OOSP1: variants seen among roughly 807,000 people sequenced by gnomAD.
OOSP1 encodes oocyte secreted protein 1.
A neutral mutation model predicts 5.7 loss-of-function variants in OOSP1; 11 were observed. That is an observed-to-expected ratio of 1.94 (90% CI 1.22 to 3.20). The LOEUF (loss-of-function observed/expected upper bound fraction) is 3.20, where lower values mean the gene tolerates loss of function less well. OOSP1 is among the 30% of genes most tolerant of loss of function. OOSP1 has a pLI of 0.00. For synonymous variants in OOSP1, 44 were observed against 20.0 expected (o/e 2.20, Z -3.20); for missense variants, 83 against 54.1 (o/e 1.53, Z -1.67).
At chr11:59,949,163 G>A (rs1186751428) in intron 4 of OOSP1, 1 of 167,976 alleles carries the variant, frequency 6.0e-6, no homozygotes, top group Non-Finnish European at 1.3e-5. Context: ...AGGCTTAGTT[G>A]TGGTTGGTCC....
At chr11:59,955,489 A>T (rs2134576780) in intron 4 of OOSP1, among the ~76,000 whole-genome samples, 1 of 152,354 alleles carries the variant, frequency 6.6e-6, no homozygotes, top group South Asian at 2.1e-4. Flanking sequence ...ACAATAAATG[A>T]TTTAATTGCT....
intron 1 of OOSP1, among the ~76,000 whole-genome samples, chr11:59,941,554 AT>A (rs1853825240): frequency 6.6e-6 from 1 of 151,610 alleles, no homozygotes; most frequent in African/African-American, 2.4e-5. Context: ...TAATTTTTGT[AT>A]TTTTTGTAGA....
chr11:59,945,134 C>T, intron 2 of OOSP1, 35 bp from the exon 3 acceptor site: 1 of 701,256 alleles, frequency 1.4e-6, no homozygotes, highest in Non-Finnish European at 2.6e-6. Flanking sequence ...ATACTTGAGA[C>T]AAACATGGGT....
chr11:59,940,078 A>C (rs933349451), intron 1 of OOSP1, among the ~76,000 whole-genome samples: 1 of 152,238 alleles, frequency 6.6e-6, no homozygotes, highest in Admixed American at 6.5e-5. Context: ...TCGGAATTGC[A>C]GTGAAAGGTT....
rs183086541 is a variant in OOSP1 at position 59,945,057 on chromosome 11, T to A, written c.259-112T>A. On this transcript the variant is annotated intron_variant, in intron 2 of 4. Coordinates refer to ENST00000646685, the Ensembl canonical transcript of OOSP1. Reference sequence around the variant, plus strand: ...GATGCTATTTATAGTTGAGTGAGAGTGTGACCATTTTTAGAAAGCTTGATG... The same window carrying A: ...GATGCTATTTATAGTTGAGTGAGAGAGTGACCATTTTTAGAAAGCTTGATG... 1.7e-4 allele frequency: 108 copies of A among 645,450 alleles called. 1 individual carries two copies. Among genetic ancestry groups the A allele is most frequent in the African/African-American group, 1.6e-3 (89 of 55,450 alleles). 40.0% of individuals were successfully genotyped at this position (645,450 alleles called of 1,614,324 possible). A position where few individuals can be genotyped will look rare whatever the true frequency, so the allele number is the denominator to read the frequency against.
At chr11:59,953,274 T>C (rs1308893686) in intron 4 of OOSP1, among the ~76,000 whole-genome samples, 1 of 152,044 alleles carries the variant, frequency 6.6e-6, no homozygotes, top group East Asian at 1.9e-4. Context: ...CCAGAGCAAC[T>C]TTTCCCCTGT....
At chr11:59,945,068 T>G in intron 2 of OOSP1, 101 bp from the exon 3 acceptor site, 2 of 653,608 alleles carry the variant, frequency 3.1e-6, no homozygotes, top group East Asian at 5.4e-5. Context: ...GTGACCATTT[T>G]TAGAAAGCTT....
At chr11:59,945,668 G>A (rs11601982) in intron 3 of OOSP1, among the ~76,000 whole-genome samples, 12,028 of 145,848 alleles carry the variant, frequency 0.082, 693 homozygotes, top group Middle Eastern at 0.16. Context: ...GCAGAATGGC[G>A]TGAACCCAGG....
intron 2 of OOSP1, among the ~76,000 whole-genome samples, chr11:59,943,408 C>G (rs918103088): frequency 1.3e-5 from 2 of 152,026 alleles, no homozygotes; most frequent in African/African-American, 4.8e-5. Context: ...TTCAACATAC[C>G]TACAAACTAG....
At chr11:59,941,005 T>C (rs1853818830) in intron 1 of OOSP1, among the ~76,000 whole-genome samples, 1 of 152,248 alleles carries the variant, frequency 6.6e-6, no homozygotes, top group Admixed American at 6.5e-5. Context: ...ATTTCTATTG[T>C]AATCAGGATG....
exon 3 of OOSP1, chr11:59,945,193 A>G (rs1853868385): frequency 2.8e-6 from 2 of 702,868 alleles, no homozygotes; most frequent in Non-Finnish European, 5.2e-6. Flanking sequence ...TCTTCTGCTT[A>G]AAACTAAAAT....
intron 2 of OOSP1, among the ~76,000 whole-genome samples, chr11:59,943,559 G>C (rs1853852746): frequency 6.6e-6 from 1 of 152,188 alleles, no homozygotes; most frequent in South Asian, 2.1e-4. Context: ...TTTAGTGATG[G>C]AGCAGGCGGG....
chr11:59,950,005 G>A (rs753257136), intron 4 of OOSP1, among the ~76,000 whole-genome samples: 3 of 152,208 alleles, frequency 2.0e-5, no homozygotes, highest in Non-Finnish European at 2.9e-5. Flanking sequence ...AGCCACTGAT[G>A]ACAAAGAGAT....
At chr11:59,945,933 C>T (rs72912748) in intron 3 of OOSP1, among the ~76,000 whole-genome samples, 17 of 152,066 alleles carry the variant, frequency 1.1e-4, no homozygotes, top group Non-Finnish European at 1.6e-4. Flanking sequence ...GGCATACTCA[C>T]GTGGCTGGAG....
At chr11:59,946,926 T>A (rs1853889968) in intron 3 of OOSP1, among the ~76,000 whole-genome samples, 1 of 138,456 alleles carries the variant, frequency 7.2e-6, no homozygotes, top group Non-Finnish European at 1.6e-5. Flanking sequence ...TATCTATCTA[T>A]CTATCTATCT....
rs67604320 is a variant in OOSP1, at chr11:59,945,750, CAAAA to C, written c.356+508_356+511del. ...TGGGTGACAGAGCGAGACTCTGTCT[CAAAA>C]AAAAAAAAAAAAAAAAAAAAAAATG... On this transcript the variant is annotated intron_variant, in intron 3 of 4. Coordinates refer to ENST00000646685, the Ensembl canonical transcript of OOSP1. Among the ~76,000 whole-genome samples the C allele has an allele frequency of 2.2e-3, 100 of 45,826 alleles. 2 individuals are homozygous for C. Among genetic ancestry groups the C allele is most frequent in the African/African-American group, 9.6e-3 (98 of 10,210 alleles). The allele number at this position is 45,826 out of a possible 152,430, so 30.1% of individuals were successfully genotyped here. A position where few individuals can be genotyped will look rare whatever the true frequency, so the allele number is the denominator to read the frequency against.
At chr11:59,954,654 T>TATCTATA (rs1453600015) in intron 4 of OOSP1, among the ~76,000 whole-genome samples, 1 of 151,918 alleles carries the variant, frequency 6.6e-6, no homozygotes, top group East Asian at 1.9e-4. Context: ...TCTATCTATC[T>TATCTATA]ATCTATCTAT....
intron 4 of OOSP1, among the ~76,000 whole-genome samples, chr11:59,954,504 C>A (rs1428948661): frequency 6.6e-6 from 1 of 152,026 alleles, no homozygotes; most frequent in African/African-American, 2.4e-5. Context: ...GACAGTTCTG[C>A]AGAGAGTATC....
At chr11:59,947,977 A>T in intron 4 of OOSP1, 115 bp downstream of exon 4, 1 of 395,658 alleles carries the variant, frequency 2.5e-6, no homozygotes. Context: ...CATTGTGCCT[A>T]AAATGTTTCC....
Sources: gnomAD v4.1 joint callset for allele counts (sites outside exome capture counted in the v4.1 genomes callset) on GRCh38, gnomAD v4.1.1 for gene constraint, MANE v1.5 for transcripts, NCBI Gene and HGNC (gene_info 2026-07-23, HGNC 2026-07-21) for gene names.